The following ZNF423 variants were observed in gnomAD, a reference collection of about 807,000 sequenced individuals.
ZNF423 encodes Ebf-associated zinc finger protein.
A neutral mutation model predicts 95.8 loss-of-function variants in ZNF423; 12 were observed. That is an observed-to-expected ratio of 0.13 (90% CI 0.08 to 0.20). The LOEUF (loss-of-function observed/expected upper bound fraction) is 0.20. Ranked by LOEUF, ZNF423 falls within the 10% of genes least tolerant of loss-of-function variation. The pLI, the probability that ZNF423 is intolerant of heterozygous loss-of-function variation, is 1.00. For synonymous variants in ZNF423, 749 were observed against 711.9 expected (o/e 1.05, Z -0.83); for missense variants, 1,316 against 1,737.1 (o/e 0.76, Z 4.31).
At chr16:49,856,740 C>A (rs2035375223), upstream of ZNF423, among the ~76,000 whole-genome samples, 3 of 147,870 alleles carry the variant, frequency 2.0e-5, no homozygotes, top group African/African-American at 7.3e-5. Flanking sequence ...CCCCGGGCAT[C>A]GCTCAGCCCG....
chr16:49,713,078 C>A (rs1003750078), intron 3 of ZNF423, among the ~76,000 whole-genome samples: 3 of 152,224 alleles, frequency 2.0e-5, no homozygotes, highest in Non-Finnish European at 2.9e-5. Flanking sequence ...TCCAGTCTGA[C>A]AAATCTGCTC....
intron 2 of ZNF423, among the ~76,000 whole-genome samples, chr16:49,768,889 T>G (rs1044938491): frequency 1.5e-4 from 23 of 152,142 alleles, no homozygotes; most frequent in African/African-American, 5.6e-4. Flanking sequence ...GCCGAACTTT[T>G]GAGCCACACC....
intron 7 of ZNF423, among the ~76,000 whole-genome samples, chr16:49,502,795 A>T (rs1967462126): frequency 9.2e-6 from 1 of 108,666 alleles, no homozygotes; most frequent in African/African-American, 4.5e-5. Context: ...CTCTAGACAC[A>T]CACACACACA....
At chr16:49,784,986 C>T (rs1014836363) in intron 2 of ZNF423, among the ~76,000 whole-genome samples, 2 of 151,020 alleles carry the variant, frequency 1.3e-5, no homozygotes, top group Non-Finnish European at 2.9e-5. Flanking sequence ...TCAATGGTTG[C>T]CTGGGGCTGG....
chr16:49,612,525 C>T (rs1321064816), intron 5 of ZNF423, among the ~76,000 whole-genome samples: 1 of 151,774 alleles, frequency 6.6e-6, no homozygotes, highest in African/African-American at 2.4e-5. Flanking sequence ...GAGAATTCCT[C>T]AACTTGATAA....
At chr16:49,753,168 C>T (rs1298631404) in intron 2 of ZNF423, among the ~76,000 whole-genome samples, 1 of 151,888 alleles carries the variant, frequency 6.6e-6, no homozygotes, top group African/African-American at 2.4e-5. Context: ...CACTTGAACC[C>T]GGGAGGCAGA....
intron 2 of ZNF423, among the ~76,000 whole-genome samples, chr16:49,783,207 G>A (rs1220277866): frequency 6.7e-5 from 10 of 148,772 alleles, no homozygotes; most frequent in Admixed American, 1.3e-4. Flanking sequence ...ATGGGCGGGA[G>A]AGACAGGGGT....
At position 49,496,483 on chromosome 16, in the gene ZNF423, G is replaced by A. The variant is rs148668761; in HGVS notation, c.3850-5179C>T. Among the ~76,000 whole-genome samples, 10 of 152,218 alleles carry A rather than the reference G, an allele frequency of 6.6e-5. No homozygotes were observed. The South Asian group carries it at 1.9e-3, about 28-fold the overall frequency. On this transcript the variant is annotated intron_variant, in intron 7 of 7. Coordinates refer to ENST00000563137, the MANE Select transcript of ZNF423 (RefSeq NM_001379286.1). ...CAATCTCTCTCTCTCCCCATGTGAC[G>A]GACTAGCTCCCCTTGCCTTCCATCA...
chr16:49,770,591 C>T (rs12931268), intron 2 of ZNF423, among the ~76,000 whole-genome samples: 107,938 of 151,860 alleles, frequency 0.71, 39,008 homozygotes, highest in African/African-American at 0.83. Context: ...AGAAGACTCA[C>T]GTGCAAAGGG....
intron 1 of ZNF423, among the ~76,000 whole-genome samples, chr16:49,826,048 C>CA (rs905602722): frequency 2.6e-5 from 4 of 151,920 alleles, no homozygotes; most frequent in African/African-American, 7.3e-5. Context: ...TCCATCTGTA[C>CA]AAAAAATACA....
At chr16:49,801,723 T>C (rs1018000399) in intron 1 of ZNF423, among the ~76,000 whole-genome samples, 1 of 152,208 alleles carries the variant, frequency 6.6e-6, no homozygotes, top group East Asian at 1.9e-4. Context: ...ACAAATGACT[T>C]TGATGCGTGC....
At chr16:49,620,054 C>A (rs540150944) in intron 5 of ZNF423, among the ~76,000 whole-genome samples, 1 of 151,924 alleles carries the variant, frequency 6.6e-6, no homozygotes, top group East Asian at 1.9e-4. Context: ...AAAGTATCTC[C>A]AGGGATGTGC....
rs183411781 is a variant in ZNF423 at position 49,728,573 on chromosome 16, A to G, written c.301+2198T>C. Among the ~76,000 whole-genome samples the G allele has an allele frequency of 4.9e-4, 74 of 152,292 alleles. No homozygotes were observed. The Middle Eastern group carries it at 0.01, about 21-fold the overall frequency. On this transcript the variant is annotated intron_variant, in intron 3 of 7. Transcript: ENST00000563137. ...TGCCATGGATTTCACCTGGAGTCAA[A>G]GGCTGATGAGAGAAGGGTTTGCCAC... is the stretch of plus-strand genomic sequence containing the variant.
chr16:49,792,683 TG>T, intron 1 of ZNF423, among the ~76,000 whole-genome samples: 1 of 152,310 alleles, frequency 6.6e-6, no homozygotes, highest in African/African-American at 2.4e-5. Flanking sequence ...TTCTGTTTTT[TG>T]AAGGTAGAAG....
intron 5 of ZNF423, among the ~76,000 whole-genome samples, chr16:49,553,059 T>C (rs557127666): frequency 6.6e-6 from 1 of 152,162 alleles, no homozygotes; most frequent in South Asian, 2.1e-4. Flanking sequence ...GCTGTAAAGA[T>C]CAAATATTAA....
chr16:49,721,852 G>GAAAACACAAGAAATGCAGA (rs2032875438), intron 3 of ZNF423, among the ~76,000 whole-genome samples: 1 of 152,008 alleles, frequency 6.6e-6, no homozygotes, highest in South Asian at 2.1e-4. Context: ...TTTTCCCATG[G>GAAAACACAAGAAATGCAGA]AAAACACAAG....
At chr16:49,553,912 G>A (rs962423909) in intron 5 of ZNF423, among the ~76,000 whole-genome samples, 1 of 152,166 alleles carries the variant, frequency 6.6e-6, no homozygotes, top group Non-Finnish European at 1.5e-5. Context: ...CCCCAAAAGT[G>A]ATATGACTGA....
chr16:49,779,445 G>A (rs1428869085), intron 2 of ZNF423, among the ~76,000 whole-genome samples: 1 of 152,072 alleles, frequency 6.6e-6, no homozygotes, highest in African/African-American at 2.4e-5. Context: ...CCTGGAGCCT[G>A]TTAGAAATGC....
At chr16:49,612,353 T>C (rs1012346515) in intron 5 of ZNF423, among the ~76,000 whole-genome samples, 2 of 148,154 alleles carry the variant, frequency 1.3e-5, no homozygotes, top group Non-Finnish European at 3.0e-5. Flanking sequence ...CTGGTCAATA[T>C]AATCCACCAT....
Sources: gnomAD v4.1 joint callset for allele counts (sites outside exome capture counted in the v4.1 genomes callset) on GRCh38, gnomAD v4.1.1 for gene constraint, MANE v1.5 for transcripts, NCBI Gene and HGNC (gene_info 2026-07-23, HGNC 2026-07-21) for gene names.